XKR9: variants seen among roughly 807,000 people sequenced by gnomAD.
XKR9 encodes the protein XK-related protein 9.
A neutral mutation model predicts 32.0 loss-of-function variants in XKR9; 32 were observed. That is an observed-to-expected ratio of 1.00 (90% CI 0.76 to 1.34). XKR9 has a LOEUF of 1.34. Among genes scored for constraint, XKR9 ranks in the 40% most tolerant of loss-of-function variants. XKR9 has a pLI of 0.00. For missense variants in XKR9, 546 were observed against 429.7 expected, an observed-to-expected ratio of 1.27 and a Z score of -2.39; for synonymous variants, 168 against 143.4, an observed-to-expected ratio of 1.17 and a Z score of -1.22.
At chr8:70,934,206 A>G in the XKR9 span, among the ~76,000 whole-genome samples, 1 of 152,046 alleles carries the variant, frequency 6.6e-6, no homozygotes, top group Non-Finnish European at 1.5e-5. Context: ...TTAAACTGAT[A>G]TTCTGTTGAA....
At chr8:70,901,900 A>G in the XKR9 span, among the ~76,000 whole-genome samples, 1 of 152,196 alleles carries the variant, frequency 6.6e-6, no homozygotes, top group East Asian at 1.9e-4. Context: ...TCCCAGCACC[A>G]TTTATTAAAT....
chr8:70,859,433 G>T, the XKR9 span, among the ~76,000 whole-genome samples: 10 of 151,950 alleles, frequency 6.6e-5, no homozygotes, highest in Non-Finnish European at 1.2e-4. Flanking sequence ...TAGTATATCC[G>T]TAAGAACAGT....
downstream of XKR9, among the ~76,000 whole-genome samples, chr8:70,793,107 A>G (rs776060289): frequency 1.4e-4 from 22 of 152,068 alleles, no homozygotes; most frequent in Non-Finnish European, 2.6e-4. Flanking sequence ...AGTGTTGTAT[A>G]TGGTGTGAGG....
chr8:71,011,204 G>C, the XKR9 span, among the ~76,000 whole-genome samples: 1 of 152,056 alleles, frequency 6.6e-6, no homozygotes, highest in African/African-American at 2.4e-5. Flanking sequence ...TGATTTATAG[G>C]AGACAGTTTA....
chr8:70,976,384 A>G, the XKR9 span, among the ~76,000 whole-genome samples: 1 of 152,204 alleles, frequency 6.6e-6, no homozygotes, highest in Non-Finnish European at 1.5e-5. Flanking sequence ...ATTTTGAGGT[A>G]TATTCCATCA....
At chr8:70,853,835 T>C in the XKR9 span, among the ~76,000 whole-genome samples, 1 of 152,212 alleles carries the variant, frequency 6.6e-6, no homozygotes, top group Non-Finnish European at 1.5e-5. Context: ...GCTTCATCCA[T>C]GTCCCTACAA....
the XKR9 span, among the ~76,000 whole-genome samples, chr8:71,012,298 A>T: frequency 3.3e-5 from 5 of 152,156 alleles, no homozygotes; most frequent in Admixed American, 2.6e-4. Context: ...AATTATGGGT[A>T]AGAGGGTGAG....
At chr8:70,713,520 T>C (rs763345547) in intron 4 of XKR9, among the ~76,000 whole-genome samples, 1 of 152,100 alleles carries the variant, frequency 6.6e-6, no homozygotes, top group Non-Finnish European at 1.5e-5. Context: ...GAGAGTGTAC[T>C]TCAGACAAAA....
the XKR9 span, among the ~76,000 whole-genome samples, chr8:71,058,336 T>C: frequency 6.6e-6 from 1 of 152,186 alleles, no homozygotes; most frequent in African/African-American, 2.4e-5. Context: ...ACAGTGGACC[T>C]TTCAGGATGC....
At chr8:70,897,611 G>C in the XKR9 span, among the ~76,000 whole-genome samples, 2 of 152,050 alleles carry the variant, frequency 1.3e-5, no homozygotes, top group African/African-American at 4.8e-5. Flanking sequence ...GTTTTAATTT[G>C]CTTTTCTTTG....
chr8:70,685,636 A>C lies in XKR9; in HGVS notation c.272+4306A>C, dbSNP rs1329850064. Among the ~76,000 whole-genome samples the C allele has an allele frequency of 4.0e-5, 6 of 150,234 alleles. No homozygotes were observed. The East Asian group carries it at 1.2e-3, about 29-fold the overall frequency. ...ATTCTCAGTAAACTATTGCAAGGGC[A>C]AAAAACCAAACACCGCATGTTCTCA... On this transcript the variant is annotated intron_variant, in intron 3 of 4. Coordinates refer to ENST00000408926, the MANE Select transcript of XKR9 (RefSeq NM_001011720.2).
At chr8:70,875,633 A>G in the XKR9 span, among the ~76,000 whole-genome samples, 1 of 152,334 alleles carries the variant, frequency 6.6e-6, no homozygotes, top group East Asian at 1.9e-4. Context: ...TTGGTACATC[A>G]TAACAATAGA....
chr8:70,888,905 CT>C, the XKR9 span, among the ~76,000 whole-genome samples: 1 of 151,902 alleles, frequency 6.6e-6, no homozygotes, highest in African/African-American at 2.4e-5. Context: ...CAACTTTGGT[CT>C]TTTTGCTCAG....
chr8:71,000,142 AT>A, the XKR9 span, among the ~76,000 whole-genome samples: 5 of 152,248 alleles, frequency 3.3e-5, no homozygotes, highest in African/African-American at 1.2e-4. Context: ...ATAATTGTCT[AT>A]TGGCTCTAGA....
the XKR9 span, among the ~76,000 whole-genome samples, chr8:70,901,228 C>T: frequency 8.0e-4 from 122 of 152,274 alleles, no homozygotes; most frequent in African/African-American, 2.5e-3. Flanking sequence ...CCTGAGGAAT[C>T]GCCACACTGT....
chr8:70,678,045 G>T lies in XKR9; in HGVS notation c.-278-2736G>T, dbSNP rs538404911. 3.3e-5 allele frequency: 5 copies of T among 152,272 alleles called. No homozygotes were observed. The East Asian group carries it at 7.7e-4, about 23-fold the overall frequency. 9.4% of individuals were successfully genotyped at this position (152,272 alleles called of 1,614,324 possible). A position where few individuals can be genotyped will look rare whatever the true frequency, so the allele number is the denominator to read the frequency against. On this transcript the variant is annotated intron_variant, in intron 2 of 4. Coordinates refer to ENST00000408926, the MANE Select transcript of XKR9 (RefSeq NM_001011720.2). ...GTTTTTGAAGGATTCAAAATCTAGTGCATTAGACTTTTGAACTAGCTGTTC... is the reference window on the plus strand; with the variant it reads ...GTTTTTGAAGGATTCAAAATCTAGTTCATTAGACTTTTGAACTAGCTGTTC...
chr8:70,700,233 G>A (rs1254233847), intron 3 of XKR9, among the ~76,000 whole-genome samples: 12 of 152,170 alleles, frequency 7.9e-5, no homozygotes, highest in South Asian at 2.1e-4. Context: ...GAGGAACTGC[G>A]TTCCTTTGGA....
At chr8:70,713,894 TAC>T (rs1806004162) in intron 4 of XKR9, among the ~76,000 whole-genome samples, 1 of 152,172 alleles carries the variant, frequency 6.6e-6, no homozygotes, top group Admixed American at 6.6e-5. Context: ...TACAGAATAC[TAC>T]AGACTGAGTA....
At chr8:70,986,781 A>G in the XKR9 span, among the ~76,000 whole-genome samples, 7 of 152,340 alleles carry the variant, frequency 4.6e-5, 1 homozygote, top group Middle Eastern at 0.02. Flanking sequence ...CAGACTCAGT[A>G]CTTTTGATAG....
Sources: allele counts gnomAD v4.1 joint callset (sites outside exome capture counted in the v4.1 genomes callset), GRCh38; gene constraint gnomAD v4.1.1; transcripts MANE v1.5; gene names NCBI Gene and HGNC (gene_info 2026-07-23, HGNC 2026-07-21).